The following MARCHF1 variants were observed in gnomAD, a reference collection of about 807,000 sequenced individuals.
MARCHF1 encodes membrane associated ring-CH-type finger 1.
MARCHF1 carries 40 observed loss-of-function variants against 54.2 expected under a neutral mutation model. The observed-to-expected ratio is 0.74, with a 90% CI of 0.57 to 0.96. The LOEUF is 0.96. Ranked by LOEUF, MARCHF1 falls within the 40% of genes least tolerant of loss-of-function variation. MARCHF1 has a pLI of 0.00. For missense variants in MARCHF1, 586 were observed against 656.5 expected, an observed-to-expected ratio of 0.89 and a Z score of 1.17; for synonymous variants, 236 against 236.3, an observed-to-expected ratio of 1.00 and a Z score of 0.01.
intron 3 of MARCHF1, among the ~76,000 whole-genome samples, chr4:163,942,317 A>T (rs1480628789): frequency 6.6e-6 from 1 of 152,210 alleles, no homozygotes. Flanking sequence ...CTTCGTATAC[A>T]GTTCTTTTAG....
At chr4:164,138,981 C>T (rs1218042542) in intron 1 of MARCHF1, among the ~76,000 whole-genome samples, 1 of 152,166 alleles carries the variant, frequency 6.6e-6, no homozygotes, top group Non-Finnish European at 1.5e-5. Context: ...TTATCTCATT[C>T]TAACTACTCA....
At chr4:163,789,095 TTC>T (rs1747700082) in intron 4 of MARCHF1, among the ~76,000 whole-genome samples, 1 of 152,102 alleles carries the variant, frequency 6.6e-6, no homozygotes, top group Non-Finnish European at 1.5e-5. Context: ...AGAAAGATTT[TTC>T]TCTTTTTCAT....
At chr4:163,751,865 G>A (rs1487701428) in intron 4 of MARCHF1, among the ~76,000 whole-genome samples, 1 of 151,554 alleles carries the variant, frequency 6.6e-6, no homozygotes, top group Non-Finnish European at 1.5e-5. Context: ...GGATGTATAT[G>A]GAAGAAATAA....
At chr4:163,532,774 ATG>A (rs1398049571) in intron 9 of MARCHF1, among the ~76,000 whole-genome samples, 2 of 152,034 alleles carry the variant, frequency 1.3e-5, no homozygotes, top group East Asian at 3.9e-4. Context: ...TTATTAATAT[ATG>A]TGATTAGAGA....
At chr4:163,569,559 C>T (rs904129130) in intron 8 of MARCHF1, among the ~76,000 whole-genome samples, 2 of 143,172 alleles carry the variant, frequency 1.4e-5, no homozygotes, top group Non-Finnish European at 3.0e-5. Flanking sequence ...ATTCAGCTCT[C>T]CTACGAACCA....
At chr4:163,723,885 A>G (rs1745563451) in intron 4 of MARCHF1, among the ~76,000 whole-genome samples, 1 of 152,162 alleles carries the variant, frequency 6.6e-6, no homozygotes. Context: ...CAGGTCATTT[A>G]AGGACTTCTC....
At chr4:163,572,843 C>T (rs1171586412) in intron 8 of MARCHF1, among the ~76,000 whole-genome samples, 1 of 152,082 alleles carries the variant, frequency 6.6e-6, no homozygotes, top group Admixed American at 6.6e-5. Context: ...ACCTCCTGCC[C>T]TACATTTCCC....
At chr4:164,001,684 C>T (rs11736266) in intron 2 of MARCHF1, among the ~76,000 whole-genome samples, 61,243 of 151,498 alleles carry the variant, frequency 0.4, 13,684 homozygotes, top group Non-Finnish European at 0.5. Flanking sequence ...AGTCAAAAAG[C>T]GTGCCTGGTT....
At chr4:163,647,744 A>T (rs1041833824) in intron 5 of MARCHF1, among the ~76,000 whole-genome samples, 9 of 151,846 alleles carry the variant, frequency 5.9e-5, no homozygotes, top group Non-Finnish European at 1.2e-4. Context: ...AAAAAACTAT[A>T]GGATATAGCC....
chr4:164,008,264 T>C (rs997380881), intron 2 of MARCHF1, among the ~76,000 whole-genome samples: 2 of 152,130 alleles, frequency 1.3e-5, no homozygotes, highest in Non-Finnish European at 2.9e-5. Flanking sequence ...ATAAAAGGGT[T>C]AGTTCAACAA....
At chr4:163,903,597 T>TTCTG (rs755937182) in intron 3 of MARCHF1, among the ~76,000 whole-genome samples, 3 of 106,424 alleles carry the variant, frequency 2.8e-5, no homozygotes, top group African/African-American at 4.2e-5. Context: ...ATTTTATTTT[T>TTCTG]TCTTTCTTTC....
rs75780297 is a variant in MARCHF1, at chr4:163,566,456, G to A, written c.1191+19293C>T. Among the ~76,000 whole-genome samples the A allele has an allele frequency of 3.5e-4, 53 of 152,344 alleles. No individual in the cohort carries two copies. In the East Asian group the frequency reaches 9.8e-3, roughly 28 times the overall value. On this transcript the variant is annotated intron_variant, in intron 8 of 9. Coordinates refer to ENST00000514618, the MANE Select transcript of MARCHF1 (RefSeq NM_001394959.1). ...GTTCAGATAGTATGAATCTGCACAC[G>A]ATGATGGCTCCAACCTGTGCAGGGC... is the stretch of plus-strand genomic sequence containing the variant.
intron 4 of MARCHF1, among the ~76,000 whole-genome samples, chr4:163,755,959 C>G (rs1476947151): frequency 6.6e-6 from 1 of 152,146 alleles, no homozygotes; most frequent in African/African-American, 2.4e-5. Flanking sequence ...ATACTGGTGC[C>G]AATCTCACCC....
At chr4:164,305,158 A>G (rs975508056) in intron 1 of MARCHF1, among the ~76,000 whole-genome samples, 1 of 152,148 alleles carries the variant, frequency 6.6e-6, no homozygotes, top group Non-Finnish European at 1.5e-5. Context: ...GTGAAATGGG[A>G]AAGTGACCCC....
At position 163,905,293 on chromosome 4, in the gene MARCHF1, C is replaced by A. The variant is rs77410053; in HGVS notation, c.-38-51124G>T. Among the ~76,000 whole-genome samples, 512 of 152,174 alleles carry A rather than the reference C, an allele frequency of 3.4e-3. 5 individuals carry two copies. Among genetic ancestry groups the A allele is most frequent in the African/African-American group, 0.011 (474 of 41,548 alleles). On this transcript the variant is annotated intron_variant, in intron 3 of 9. Transcript: ENST00000514618. Reference sequence around the variant, plus strand: ...TCAATTCCATTCAACAAATACTTATCGAGTGCCCAATATGAACATTCACGA... The same window carrying A: ...TCAATTCCATTCAACAAATACTTATAGAGTGCCCAATATGAACATTCACGA...
At chr4:163,554,802 A>G (rs1186045721) in intron 8 of MARCHF1, among the ~76,000 whole-genome samples, 1 of 152,232 alleles carries the variant, frequency 6.6e-6, no homozygotes, top group Non-Finnish European at 1.5e-5. Flanking sequence ...TAAAACAGAT[A>G]AGCCATTTTA....
intron 2 of MARCHF1, among the ~76,000 whole-genome samples, chr4:164,087,515 G>C (rs1358919250): frequency 6.6e-6 from 1 of 152,078 alleles, no homozygotes; most frequent in African/African-American, 2.4e-5. Flanking sequence ...CAGGTAAATA[G>C]ATTAGAGTAG....
At chr4:164,291,212 A>G (rs191354221) in intron 1 of MARCHF1, among the ~76,000 whole-genome samples, 2 of 152,128 alleles carry the variant, frequency 1.3e-5, no homozygotes, top group Admixed American at 6.5e-5. Context: ...GACATTATAA[A>G]GCAGCATTTT....
At chr4:164,377,593 A>G (rs1731231651) in intron 1 of MARCHF1, among the ~76,000 whole-genome samples, 1 of 146,322 alleles carries the variant, frequency 6.8e-6, no homozygotes, top group African/African-American at 2.6e-5. Context: ...CTTTTTATGC[A>G]CACACACACA....
Sources: allele counts gnomAD v4.1 joint callset (sites outside exome capture counted in the v4.1 genomes callset), GRCh38; gene constraint gnomAD v4.1.1; transcripts MANE v1.5; gene names NCBI Gene and HGNC (gene_info 2026-07-23, HGNC 2026-07-21).